Variants in FHOD1 observed in about 807,000 individuals in gnomAD.
FHOD1 encodes the protein formin homology 2 domain containing 1.
FHOD1 carries 89 observed loss-of-function variants against 111.6 expected under a neutral mutation model. The observed-to-expected ratio is 0.80, with a 90% CI of 0.67 to 0.95. The LOEUF is 0.95. FHOD1 is among the 40% of genes least tolerant of loss of function. FHOD1 has a pLI of 0.00. For synonymous variants in FHOD1, 618 were observed against 639.0 expected (o/e 0.97, Z 0.50); for missense variants, 1,446 against 1,554.2 (o/e 0.93, Z 1.17).
Position 67,231,760 on chromosome 16 carries a change from C to T in FHOD1, c.2262G>A (p.Leu754=). The change falls in exon 15 of 22, where the codon CTG becomes CTA. Residue 754 remains leucine, a synonymous_variant. Transcript: ENST00000258201. The surrounding 1 kb of genome is among the most constrained non-coding windows in gnomAD (Gnocchi z 4.3). The stretch of plus-strand genomic sequence containing the variant: ...GGCCCAGGGGTATGTCAGGGTTGGC[C>T]AGCTGGGCTTCCTCAATCTTCTGCC... ...EERQKIEEAQ[L]ANPDIPLGPA... The T allele has an allele frequency of 6.2e-7, 1 of 1,614,046 alleles. No individual in the cohort carries two copies. The highest frequency in any genetic ancestry group is 8.5e-7 in the Non-Finnish European group (1 of 1,179,998).
At chr16:67,241,086 A>G (rs1305987176) in intron 1 of FHOD1, among the ~76,000 whole-genome samples, 1 of 123,148 alleles carries the variant, frequency 8.1e-6, no homozygotes, top group South Asian at 2.6e-4. Flanking sequence ...CTCCTTCCCC[A>G]CAGTTTAGCC....
At chr16:67,232,012 C>A (rs1196121947) in intron 14 of FHOD1, 27 bp downstream of exon 14, 2 of 1,612,974 alleles carry the variant, frequency 1.2e-6, no homozygotes, top group East Asian at 2.2e-5. Context: ...AGACCTCCCC[C>A]CAACACCCAT....
At chr16:67,236,116 T>A in intron 11 of FHOD1, 2 of 846,010 alleles carry the variant, frequency 2.4e-6, no homozygotes, top group Non-Finnish European at 2.8e-6. Flanking sequence ...TGGTGTCAGC[T>A]CCATGGTTGC....
Position 67,234,282 on chromosome 16 carries a change from G to A in FHOD1, c.1436-15C>T, listed in dbSNP as rs758325596. 1.9e-6 allele frequency: 3 copies of A among 1,580,680 alleles called. No homozygotes were observed. The highest frequency in any genetic ancestry group is 3.5e-5 in the Admixed American group (2 of 56,864). On this transcript the variant is annotated splice_polypyrimidine_tract_variant and intron_variant, in intron 12 of 21. Transcript: ENST00000258201. ...TTGCCGGGCATCTAAAGAAAGGGAA[G>A]GAGCTGTCAGTGCCATGCCCCCTGT...
Position 67,230,419 on chromosome 16 carries a change from T to C in FHOD1, c.2946A>G (p.Glu982=), listed in dbSNP as rs1396873610. The change falls in exon 19 of 22, where the codon GAA becomes GAG. Residue 982 remains glutamate (E), a synonymous_variant. Coordinates refer to ENST00000258201, the MANE Select transcript of FHOD1 (RefSeq NM_013241.3). The part of the protein sequence containing the change: ...RIMQFCHTLR[E]FALEYRTCRE... Reference sequence around the variant, plus strand: ...GGCAAGTCCGATACTCAAGCGCAAATTCCCGCAGCGTGTGGCAGAACTGCA... The same window carrying C: ...GGCAAGTCCGATACTCAAGCGCAAACTCCCGCAGCGTGTGGCAGAACTGCA... 1.2e-6 allele frequency: 2 copies of C among 1,614,224 alleles called. No individual in the cohort carries two copies. The highest frequency in any genetic ancestry group is 2.7e-5 in the African/African-American group (2 of 75,062).
At position 67,231,413 on chromosome 16, in the gene FHOD1, C is replaced by T; in HGVS notation, c.2505+17G>A. 1 of 1,614,124 alleles carries T rather than the reference C, an allele frequency of 6.2e-7. No individual in the cohort carries two copies. The highest frequency in any genetic ancestry group is 1.1e-5 in the South Asian group (1 of 91,080). On this transcript the variant is annotated intron_variant, in intron 16 of 21. Transcript: ENST00000258201. This position sits in a 1 kb window ranked among gnomAD's most constrained non-coding sequence, Gnocchi z 4.3. ...CAGAACCCTGACTCCCCCTAGTCCC[C>T]ATGTACTCTCACTCACCTGGGAGCC...
At position 67,230,170 on chromosome 16, in the gene FHOD1, G is replaced by C; in HGVS notation, c.3110C>G (p.Ala1037Gly). Residue 1037 changes from alanine to glycine, a missense_variant, in exon 20 of 22, where the codon GCA becomes GGA. By Grantham distance (60) the Ala-to-Gly change is moderately conservative. Around this residue, in one of 3 missense-constraint regions of FHOD1, gnomAD observed 1,085 missense variants for 1,108.8 expected, o/e 0.98. Coordinates refer to ENST00000258201, the MANE Select transcript of FHOD1 (RefSeq NM_013241.3). ...TCCCCGGCCTGGCCCGCTGCTCACT[G>C]CTACTGGGACAGAGGGGTTGCTGGG... ...EAPSNPSVPV[A>G]VSSGPGRGDA... 6.2e-6 allele frequency: 10 copies of C among 1,614,158 alleles called. No individual in the cohort carries two copies. The highest frequency in any genetic ancestry group is 8.5e-6 in the Non-Finnish European group (10 of 1,180,000).
rs535599428 is a variant in FHOD1, at chr16:67,235,075, C to A, written c.1320-603G>T. Among the ~76,000 whole-genome samples the A allele has an allele frequency of 3.6e-4, 55 of 152,194 alleles. No individual in the cohort carries two copies. The South Asian group carries it at 1.0e-2, about 28-fold the overall frequency. On this transcript the variant is annotated intron_variant, in intron 11 of 21. Transcript: ENST00000258201. ...CACCCAGCCAAATTTTAAAAAATTTCTTTGTAGAGATGAGGTCTTACTGTG... is the reference window on the plus strand; with the variant it reads ...CACCCAGCCAAATTTTAAAAAATTTATTTGTAGAGATGAGGTCTTACTGTG...
intron 11 of FHOD1, 188 bp downstream of exon 11, chr16:67,236,369 G>A: frequency 6.9e-7 from 1 of 1,439,142 alleles, no homozygotes. Flanking sequence ...AGGAGGAGGA[G>A]ATCCAGTCAG....
chr16:67,236,760 G>A (rs2034495307), intron 10 of FHOD1, 27 bp from the exon 11 acceptor site: 1 of 1,484,412 alleles, frequency 6.7e-7, no homozygotes, highest in African/African-American at 1.4e-5. Context: ...TCAGTGGGGC[G>A]GGGCCTGAGA....
chr16:67,229,884 G>A lies in FHOD1; in HGVS notation c.3321C>T (p.Ile1107=). 1 of 1,614,232 alleles carries A rather than the reference G, an allele frequency of 6.2e-7. No individual in the cohort carries two copies. Among genetic ancestry groups the A allele is most frequent in the Non-Finnish European group, 8.5e-7 (1 of 1,180,036 alleles). Residue 1107 remains isoleucine, a synonymous_variant, in exon 21 of 22, where the codon ATC becomes ATT. Coordinates refer to ENST00000258201, the MANE Select transcript of FHOD1 (RefSeq NM_013241.3). ...TCACTGACTGCACCAGAAGGTCCAT[G>A]ATCTCATCTGATGTATCACTGGGTA... ...SSLPSDTSDE[I]MDLLVQSVTK...
Position 67,231,041 on chromosome 16 carries a change from T to C in FHOD1, c.2667+147A>G. Reference sequence around the variant, plus strand: ...GCCAGGCCAATAGAGGAAAGAGCATTTCTGGCAGAGGGCATAGCTCACACC... The same window carrying C: ...GCCAGGCCAATAGAGGAAAGAGCATCTCTGGCAGAGGGCATAGCTCACACC... On this transcript the variant is annotated intron_variant, in intron 17 of 21. Transcript: ENST00000258201. The surrounding 1 kb of genome is among the most constrained non-coding windows in gnomAD (Gnocchi z 4.3). The C allele has an allele frequency of 9.2e-7, 1 of 1,092,522 alleles. No homozygotes were observed. The highest frequency in any genetic ancestry group is 1.3e-6 in the Non-Finnish European group (1 of 769,658). The allele number at this position is 1,092,522 out of a possible 1,614,324, so 67.7% of individuals were successfully genotyped here.
chr16:67,232,228 A>G (rs2142266912), intron 13 of FHOD1, 34 bp from the exon 14 acceptor site: 1 of 1,611,088 alleles, frequency 6.2e-7, no homozygotes, highest in African/African-American at 1.3e-5. Flanking sequence ...TGTAAGACTG[A>G]GGAAGGGGGC....
chr16:67,237,534 C>A lies in FHOD1; in HGVS notation c.790G>T (p.Glu264Ter). The A allele has an allele frequency of 6.2e-7, 1 of 1,614,146 alleles. No homozygotes were observed. The change falls in exon 8 of 22, where the codon GAG becomes TAG. Residue 264 changes from glutamate (E) to a stop codon, truncating the protein, a stop_gained. Transcript: ENST00000258201. LOFTEE classifies it high-confidence loss of function. The surrounding 1 kb of genome is among the most constrained non-coding windows in gnomAD (Gnocchi z 5.6). ...PPWANLVSIL[E>*]EKNGADPELL... ...TCAGGGTCAGCGCCATTCTTCTCCT[C>A]CAGGATGGACACCAGATTGGCCCAG...
Position 67,229,650 on chromosome 16 carries a change from C to T in FHOD1, c.3481G>A (p.Gly1161Ser), listed in dbSNP as rs757800624. 6.8e-6 allele frequency: 11 copies of T among 1,614,158 alleles called. No homozygotes were observed. Among genetic ancestry groups the T allele is most frequent in the Admixed American group, 5.0e-5 (3 of 60,018 alleles). Residue 1161 changes from glycine (G) to serine (S), a missense_variant, in exon 22 of 22, where the codon GGC becomes AGC. This residue lies in a region of FHOD1 where 1,085 missense variants were observed against 1,108.8 expected (regional missense o/e 0.98). Transcript: ENST00000258201. ...ATACAGCACCTTCACACCTCCAGGCCAGGACCCTTGCTTAGTCCCAGTGCC... is the reference window on the plus strand; with the variant it reads ...ATACAGCACCTTCACACCTCCAGGCTAGGACCCTTGCTTAGTCCCAGTGCC... Reference protein sequence around the residue: ...VQALGLSKGPGLEV With the variant: ...VQALGLSKGPSLEV
chr16:67,236,881 G>C (rs2034502168), intron 10 of FHOD1, 85 bp downstream of exon 10: 3 of 1,495,980 alleles, frequency 2.0e-6, no homozygotes, highest in Admixed American at 2.2e-5. Context: ...GGCGGGGCCT[G>C]AGGGGGTTGG....
chr16:67,241,834 A>C (rs991652170), intron 1 of FHOD1, among the ~76,000 whole-genome samples: 2 of 152,244 alleles, frequency 1.3e-5, no homozygotes, highest in African/African-American at 4.8e-5. Flanking sequence ...CTGAAGCAGC[A>C]CAGACCCAGA....
At chr16:67,240,661 C>G (rs548839936) in intron 1 of FHOD1, among the ~76,000 whole-genome samples, 1 of 152,388 alleles carries the variant, frequency 6.6e-6, no homozygotes, top group Non-Finnish European at 1.5e-5. Flanking sequence ...TCTCCTCCCC[C>G]GCCACAAGGC....
intron 1 of FHOD1, 76 bp downstream of exon 1, chr16:67,247,134 G>A: frequency 1.0e-5 from 14 of 1,406,552 alleles, no homozygotes; most frequent in Non-Finnish European, 1.3e-5. Context: ...CTCTTCCCGC[G>A]GAGCACCTCC....
Sources: allele counts gnomAD v4.1 joint callset (sites outside exome capture counted in the v4.1 genomes callset), GRCh38; gene constraint gnomAD v4.1.1; regional missense constraint gnomAD v4.1.1; non-coding constraint Gnocchi (gnomAD v3.1); transcripts MANE v1.5; gene names NCBI Gene and HGNC (gene_info 2026-07-23, HGNC 2026-07-21).